Variants in ST6GALNAC5 observed in about 807,000 individuals in gnomAD.
ST6GALNAC5 encodes alpha-N-acetylgalactosaminide alpha-2,6-sialyltransferase 5.
In ST6GALNAC5, 27 loss-of-function variants were observed where a neutral mutation model predicts 33.6. The observed-to-expected ratio is 0.80, with a 90% CI of 0.59 to 1.11. ST6GALNAC5 has a LOEUF of 1.11. Among genes scored for constraint, ST6GALNAC5 ranks in the 50% least tolerant of loss-of-function variants. ST6GALNAC5 has a pLI of 0.00. For synonymous variants in ST6GALNAC5, 194 were observed against 171.2 expected, an observed-to-expected ratio of 1.13 and a Z score of -1.04; for missense variants, 428 against 454.0, an observed-to-expected ratio of 0.94 and a Z score of 0.52.
intron 2 of ST6GALNAC5, among the ~76,000 whole-genome samples, chr1:76,896,171 A>G (rs1327337811): frequency 6.6e-6 from 1 of 152,198 alleles, no homozygotes. Context: ...GTCTGACAGA[A>G]GGGAAGAAAT....
At chr1:76,936,840 G>A (rs1297700264) in intron 2 of ST6GALNAC5, among the ~76,000 whole-genome samples, 4 of 151,870 alleles carry the variant, frequency 2.6e-5, no homozygotes, top group Non-Finnish European at 5.9e-5. Flanking sequence ...AGGAGCATTG[G>A]ACTTTGGACT....
At chr1:76,892,769 C>T (rs1174090341) in intron 2 of ST6GALNAC5, among the ~76,000 whole-genome samples, 1 of 152,136 alleles carries the variant, frequency 6.6e-6, no homozygotes, top group African/African-American at 2.4e-5. Context: ...AACAGACAAA[C>T]CAACATAAAG....
intron 2 of ST6GALNAC5, among the ~76,000 whole-genome samples, chr1:76,953,046 A>T (rs1221361554): frequency 6.6e-6 from 1 of 152,144 alleles, no homozygotes; most frequent in Non-Finnish European, 1.5e-5. Context: ...GTAGTATTCC[A>T]TTGTGCAGAT....
chr1:76,999,607 A>G (rs1650065126), intron 2 of ST6GALNAC5, among the ~76,000 whole-genome samples: 1 of 151,320 alleles, frequency 6.6e-6, no homozygotes, highest in South Asian at 2.1e-4. Context: ...ATCATCTAGC[A>G]TTAGGTATAT....
chr1:76,970,610 G>A (rs1570722066), intron 2 of ST6GALNAC5, among the ~76,000 whole-genome samples: 1 of 152,068 alleles, frequency 6.6e-6, no homozygotes, highest in South Asian at 2.1e-4. Flanking sequence ...CGGGGAGAGG[G>A]GAACCAAGTT....
rs761180303 is a variant in ST6GALNAC5 at position 77,063,015 on chromosome 1, C to A, written c.820C>A (p.Pro274Thr). The change falls in exon 5 of 5, where the codon CCT (proline) becomes ACT (threonine). Residue 274 changes from proline (P) to threonine (T), a missense_variant. Coordinates refer to ENST00000477717, the MANE Select transcript of ST6GALNAC5 (RefSeq NM_030965.3). ...HPSVPYHYYE[P>T]FGPDECTMYL... The stretch of plus-strand genomic sequence containing the variant: ...TTCAGTACCTTATCATTATTATGAA[C>A]CTTTTGGACCTGATGAATGTACAAT... 1.9e-6 allele frequency: 3 copies of A among 1,613,814 alleles called. No homozygotes were observed. Among genetic ancestry groups the A allele is most frequent in the Non-Finnish European group, 2.5e-6 (3 of 1,179,860 alleles).
intron 2 of ST6GALNAC5, among the ~76,000 whole-genome samples, chr1:76,892,763 G>A (rs919114735): frequency 2.0e-5 from 3 of 152,150 alleles, no homozygotes; most frequent in Non-Finnish European, 4.4e-5. Flanking sequence ...CCAATAAACA[G>A]ACAAACCAAC....
At chr1:76,989,638 A>G (rs1649645807) in intron 2 of ST6GALNAC5, among the ~76,000 whole-genome samples, 1 of 152,144 alleles carries the variant, frequency 6.6e-6, no homozygotes, top group Non-Finnish European at 1.5e-5. Context: ...AGGCAGGACC[A>G]GGTCAGCTTT....
At chr1:76,947,504 G>C (rs534379272) in intron 2 of ST6GALNAC5, among the ~76,000 whole-genome samples, 2 of 152,206 alleles carry the variant, frequency 1.3e-5, no homozygotes, top group East Asian at 1.9e-4. Context: ...GGGAGACTGA[G>C]CGGGGGAGGA....
intron 2 of ST6GALNAC5, among the ~76,000 whole-genome samples, chr1:77,029,906 T>C (rs1651389314): frequency 6.6e-6 from 1 of 152,224 alleles, no homozygotes; most frequent in South Asian, 2.1e-4. Flanking sequence ...TAATTTAAGC[T>C]TTTCTTGATG....
At chr1:76,927,700 G>GA in intron 2 of ST6GALNAC5, among the ~76,000 whole-genome samples, 1 of 152,178 alleles carries the variant, frequency 6.6e-6, no homozygotes, top group Non-Finnish European at 1.5e-5. Flanking sequence ...AATGGGACAT[G>GA]AGGTCTTTTC....
At chr1:76,882,773 T>G (rs184685112) in intron 2 of ST6GALNAC5, among the ~76,000 whole-genome samples, 1 of 152,316 alleles carries the variant, frequency 6.6e-6, no homozygotes, top group African/African-American at 2.4e-5. Context: ...TTCATGTTCC[T>G]TGCGTGTTTC....
intron 2 of ST6GALNAC5, among the ~76,000 whole-genome samples, chr1:76,980,062 C>T (rs1036288878): frequency 3.3e-5 from 5 of 152,040 alleles, no homozygotes; most frequent in Non-Finnish European, 7.4e-5. Context: ...GAAGGACAGA[C>T]AGCATAACTA....
chr1:77,015,128 G>A (rs1269606033), intron 2 of ST6GALNAC5, among the ~76,000 whole-genome samples: 1 of 151,578 alleles, frequency 6.6e-6, no homozygotes, highest in Non-Finnish European at 1.5e-5. Context: ...CAATTACGGA[G>A]GCCAAGACAT....
chr1:77,004,139 T>C (rs1021611010), intron 2 of ST6GALNAC5, among the ~76,000 whole-genome samples: 2 of 151,950 alleles, frequency 1.3e-5, no homozygotes, highest in African/African-American at 2.4e-5. Flanking sequence ...CAATCAGACG[T>C]AGATTTGGTC....
At chr1:76,907,099 CT>C (rs1557717780) in intron 2 of ST6GALNAC5, among the ~76,000 whole-genome samples, 2 of 152,148 alleles carry the variant, frequency 1.3e-5, no homozygotes, top group Non-Finnish European at 2.9e-5. Context: ...CCACTTGACT[CT>C]TTCAACATTC....
intron 2 of ST6GALNAC5, among the ~76,000 whole-genome samples, chr1:77,014,003 C>T (rs2100427022): frequency 1.3e-5 from 2 of 152,266 alleles, no homozygotes; most frequent in South Asian, 4.1e-4. Context: ...ATTCTTAGGA[C>T]CATGTTTCCC....
chr1:76,870,035 A>G (rs1653463753), intron 2 of ST6GALNAC5, among the ~76,000 whole-genome samples: 1 of 152,210 alleles, frequency 6.6e-6, no homozygotes, highest in South Asian at 2.1e-4. Flanking sequence ...AGGAGGAATC[A>G]ATTTCATTAG....
intron 2 of ST6GALNAC5, among the ~76,000 whole-genome samples, chr1:76,899,217 T>G (rs1470093505): frequency 6.6e-6 from 1 of 151,940 alleles, no homozygotes; most frequent in Non-Finnish European, 1.5e-5. Context: ...TTTAAGTTCT[T>G]AAGAACACAG....
Sources: gnomAD v4.1 joint callset for allele counts (sites outside exome capture counted in the v4.1 genomes callset) on GRCh38, gnomAD v4.1.1 for gene constraint, MANE v1.5 for transcripts, NCBI Gene and HGNC (gene_info 2026-07-23, HGNC 2026-07-21) for gene names.